DENND1B: variants seen among roughly 807,000 people sequenced by gnomAD.
DENND1B encodes DENN domain-containing protein 1B.
In DENND1B, 59 loss-of-function variants were observed where a neutral mutation model predicts 90.1. That is an observed-to-expected ratio of 0.65 (90% confidence interval 0.53 to 0.81). The LOEUF (loss-of-function observed/expected upper bound fraction) is 0.81, where lower values mean the gene tolerates loss of function less well. Ranked by LOEUF, DENND1B falls within the 40% of genes least tolerant of loss-of-function variation. DENND1B has a pLI of 0.00. For synonymous variants in DENND1B, 337 were observed against 324.6 expected (o/e 1.04, Z -0.41); for missense variants, 862 against 912.6 (o/e 0.94, Z 0.71).
At chr1:197,518,159 C>T (rs531917169) in intron 20 of DENND1B, among the ~76,000 whole-genome samples, 261 of 151,914 alleles carry the variant, frequency 1.7e-3, no homozygotes, top group Non-Finnish European at 3.0e-3. Flanking sequence ...GCAAAAGACT[C>T]TGAAAGGAGC....
intron 21 of DENND1B, among the ~76,000 whole-genome samples, chr1:197,512,610 A>G (rs1208982245): frequency 6.6e-6 from 1 of 151,574 alleles, no homozygotes; most frequent in African/African-American, 2.4e-5. Flanking sequence ...ATGGGCTTCT[A>G]TTGCCCCTTT....
chr1:197,530,559 G>A (rs940929914), intron 20 of DENND1B, among the ~76,000 whole-genome samples: 1 of 152,050 alleles, frequency 6.6e-6, no homozygotes, highest in African/African-American at 2.4e-5. Flanking sequence ...TGGGATCTAT[G>A]ATCATCCCTA....
At chr1:197,544,153 G>C (rs772138797) in intron 18 of DENND1B, among the ~76,000 whole-genome samples, 22 of 152,236 alleles carry the variant, frequency 1.4e-4, no homozygotes, top group Non-Finnish European at 2.4e-4. Context: ...ACAAAAATAC[G>C]TATATAAACA....
At chr1:197,756,133 C>T (rs1456368129) in intron 2 of DENND1B, among the ~76,000 whole-genome samples, 1 of 152,188 alleles carries the variant, frequency 6.6e-6, no homozygotes, top group Non-Finnish European at 1.5e-5. Context: ...TTATCCTACA[C>T]ATAGTCTAGG....
At chr1:197,670,931 G>C (rs1243777989) in intron 5 of DENND1B, among the ~76,000 whole-genome samples, 2 of 152,046 alleles carry the variant, frequency 1.3e-5, no homozygotes, top group Non-Finnish European at 2.9e-5. Flanking sequence ...AAAAAGTTGT[G>C]CTAAAGAGAG....
intron 20 of DENND1B, among the ~76,000 whole-genome samples, chr1:197,523,052 G>GA (rs1668885504): frequency 6.6e-6 from 1 of 152,012 alleles, no homozygotes; most frequent in African/African-American, 2.4e-5. Flanking sequence ...GTGCTCATAA[G>GA]AAAAATTGGG....
chr1:197,685,482 T>C (rs1361171101), intron 3 of DENND1B, among the ~76,000 whole-genome samples: 3 of 152,186 alleles, frequency 2.0e-5, no homozygotes. Flanking sequence ...AATAAAATTA[T>C]ATTCAGGTTT....
rs150869217 is a variant in DENND1B, at chr1:197,634,297, A to C, written c.672+8414T>G. On this transcript the variant is annotated intron_variant, in intron 10 of 22. Coordinates refer to ENST00000620048, the MANE Select transcript of DENND1B (RefSeq NM_001195215.2). ...TCTTTATATTAAACTTTCCTTGTTC[A>C]AATTACTATGTAATTTCTCTTTCCT... 1.7e-3 allele frequency among the ~76,000 whole-genome samples: 253 copies of C among 152,308 alleles called. 1 individual carries two copies. The highest frequency in any genetic ancestry group is 5.9e-3 in the African/African-American group (247 of 41,564).
chr1:197,653,015 A>G (rs1265491589), intron 6 of DENND1B, among the ~76,000 whole-genome samples: 2 of 152,036 alleles, frequency 1.3e-5, no homozygotes, highest in African/African-American at 4.8e-5. Context: ...GAATAAATCA[A>G]AGGAAAAGGC....
chr1:197,643,911 A>G (rs1004702745), intron 9 of DENND1B, among the ~76,000 whole-genome samples: 5 of 152,248 alleles, frequency 3.3e-5, no homozygotes, highest in Non-Finnish European at 7.3e-5. Flanking sequence ...TCAACAAGAT[A>G]TAACAAACAA....
chr1:197,543,862 A>C (rs1670520934), intron 18 of DENND1B, among the ~76,000 whole-genome samples: 1 of 152,200 alleles, frequency 6.6e-6, no homozygotes, highest in African/African-American at 2.4e-5. Context: ...TTTTAACTCA[A>C]GGAATAACAG....
At chr1:197,768,882 T>C (rs1414447368) in intron 2 of DENND1B, among the ~76,000 whole-genome samples, 1 of 151,848 alleles carries the variant, frequency 6.6e-6, no homozygotes, top group Admixed American at 6.6e-5. Flanking sequence ...AAAATCAATA[T>C]AATGCCTCTG....
intron 15 of DENND1B, among the ~76,000 whole-genome samples, chr1:197,567,174 G>A (rs1424456720): frequency 6.6e-6 from 1 of 151,996 alleles, no homozygotes; most frequent in Non-Finnish European, 1.5e-5. Flanking sequence ...GGAAATGGAA[G>A]AGGACACAGT....
At chr1:197,735,259 T>C in intron 2 of DENND1B, 1 of 1,135,846 alleles carries the variant, frequency 8.8e-7, no homozygotes, top group Non-Finnish European at 1.1e-6. Context: ...CAGTACCAAA[T>C]ACATCCACCC....
At chr1:197,623,520 T>C (rs1169803899) in intron 10 of DENND1B, among the ~76,000 whole-genome samples, 1 of 151,490 alleles carries the variant, frequency 6.6e-6, no homozygotes, top group Non-Finnish European at 1.5e-5. Context: ...TATAAGAAAA[T>C]GTTTGGAGAA....
chr1:197,758,411 T>C (rs1654579784), intron 2 of DENND1B, among the ~76,000 whole-genome samples: 1 of 152,202 alleles, frequency 6.6e-6, no homozygotes, highest in Admixed American at 6.5e-5. Context: ...TCATACCTTT[T>C]TTCATACGGC....
At chr1:197,625,998 A>G (rs1678670527) in intron 10 of DENND1B, among the ~76,000 whole-genome samples, 1 of 152,134 alleles carries the variant, frequency 6.6e-6, no homozygotes, top group Non-Finnish European at 1.5e-5. Flanking sequence ...TGCACCCAAT[A>G]CAGGAGCACC....
At chr1:197,742,678 T>C (rs1663327894) in intron 2 of DENND1B, among the ~76,000 whole-genome samples, 1 of 152,206 alleles carries the variant, frequency 6.6e-6, no homozygotes, top group South Asian at 2.1e-4. Context: ...CTGAAGGCAC[T>C]TTCAGAACTG....
intron 2 of DENND1B, among the ~76,000 whole-genome samples, chr1:197,743,197 A>G (rs540126033): frequency 1.1e-4 from 17 of 152,210 alleles, no homozygotes; most frequent in Non-Finnish European, 1.3e-4. Context: ...AGCAGAGCGC[A>G]CATTACCTTA....
Sources: allele counts gnomAD v4.1 joint callset (sites outside exome capture counted in the v4.1 genomes callset), GRCh38; gene constraint gnomAD v4.1.1; transcripts MANE v1.5; gene names NCBI Gene and HGNC (gene_info 2026-07-23, HGNC 2026-07-21).